The following HERC5 variants were observed in gnomAD, a reference collection of about 807,000 sequenced individuals.
The protein encoded by HERC5 is E3 ISG15--protein ligase HERC5.
Under a neutral mutation model 119.6 loss-of-function variants are expected in HERC5, and 99 were observed. The ratio of observed to expected loss-of-function variants is 0.83; its 90% CI spans 0.70 to 0.98. The LOEUF is 0.98. Among genes scored for constraint, HERC5 ranks in the 50% least tolerant of loss-of-function variants. HERC5 has a pLI of 0.00. For missense variants in HERC5, 1,267 were observed against 1,241.3 expected, an observed-to-expected ratio of 1.02 and a Z score of -0.31; for synonymous variants, 478 against 445.9, an observed-to-expected ratio of 1.07 and a Z score of -0.91.
At chr4:88,480,286 C>G (rs934043080) in intron 13 of HERC5, among the ~76,000 whole-genome samples, 2 of 152,100 alleles carry the variant, frequency 1.3e-5, no homozygotes, top group African/African-American at 2.4e-5. Context: ...AATACTGCTT[C>G]TTACACTCAA....
In HERC5 at chr4:88,506,042, G is replaced by C; in HGVS notation, c.*164G>C. Reference sequence around the variant, plus strand: ...AAGCAGGAAAGAGGGATGAAGAAGAGGGTTTACTGGCCGGTTAGAACCCGT... The same window carrying C: ...AAGCAGGAAAGAGGGATGAAGAAGACGGTTTACTGGCCGGTTAGAACCCGT... On this transcript the variant is annotated 3_prime_UTR_variant, in exon 23 of 23. Transcript: ENST00000264350. The C allele has an allele frequency of 1.6e-6, 1 of 621,858 alleles. No homozygotes were observed. The highest frequency in any genetic ancestry group is 2.8e-6 in the Non-Finnish European group (1 of 354,272). The allele number at this position is 621,858 out of a possible 1,614,324, so 38.5% of individuals were successfully genotyped here.
At chr4:88,494,557 C>T (rs562163052) in intron 18 of HERC5, among the ~76,000 whole-genome samples, 2 of 152,176 alleles carry the variant, frequency 1.3e-5, no homozygotes, top group Admixed American at 6.5e-5. Context: ...AATCTTTCAA[C>T]TTTTTCTGTG....
intron 12 of HERC5, among the ~76,000 whole-genome samples, chr4:88,476,728 C>T (rs1027514164): frequency 1.3e-5 from 2 of 151,946 alleles, no homozygotes; most frequent in Admixed American, 6.6e-5. Flanking sequence ...CAAGACTAGC[C>T]TGGCCAACAT....
intron 10 of HERC5, 66 bp from the exon 11 acceptor site, chr4:88,472,343 T>C (rs2149093278): frequency 1.1e-6 from 1 of 890,686 alleles, no homozygotes; most frequent in Non-Finnish European, 1.8e-6. Flanking sequence ...TGGGGCAAGC[T>C]CTAGAAGAAA....
intron 11 of HERC5, chr4:88,473,376 TC>T (rs1234419564): frequency 6.6e-6 from 1 of 152,146 alleles, no homozygotes; most frequent in Non-Finnish European, 1.5e-5. Flanking sequence ...CTCTTCTCTT[TC>T]CCTCTCAATC....
At chr4:88,491,784 A>T (rs1424178678) in intron 16 of HERC5, among the ~76,000 whole-genome samples, 1 of 151,806 alleles carries the variant, frequency 6.6e-6, no homozygotes, top group African/African-American at 2.4e-5. Context: ...TTTCCTTTTA[A>T]GGTTAAGGGG....
chr4:88,465,489 T>A (rs1357727752), intron 6 of HERC5, among the ~76,000 whole-genome samples: 1 of 152,228 alleles, frequency 6.6e-6, no homozygotes, highest in East Asian at 1.9e-4. Context: ...TGGGTAATAT[T>A]ATTAAGGTAG....
At chr4:88,460,927 C>A (rs1578463059) in intron 3 of HERC5, among the ~76,000 whole-genome samples, 1 of 152,068 alleles carries the variant, frequency 6.6e-6, no homozygotes, top group East Asian at 1.9e-4. Context: ...GAGTTTGAGG[C>A]TGCAGTGAGC....
chr4:88,467,148 G>T lies in HERC5; in HGVS notation c.1001G>T (p.Arg334Leu). The T allele has an allele frequency of 6.2e-7, 1 of 1,614,162 alleles. No individual in the cohort carries two copies. The highest frequency in any genetic ancestry group is 8.5e-7 in the Non-Finnish European group (1 of 1,180,018). Reference sequence around the variant, plus strand: ...GGACAACTGGGAAATGGTGGAACACGTGACCAGCTGATGCCGCTTCCAGTG... The same window carrying T: ...GGACAACTGGGAAATGGTGGAACACTTGACCAGCTGATGCCGCTTCCAGTG... ...KDGQLGNGGT[R>L]DQLMPLPVKV... is the part of the protein sequence containing the mutation. Residue 334 changes from arginine (R) to leucine (L), a missense_variant, in exon 7 of 23, where the codon CGT becomes CTT. This residue lies in a region of HERC5 where 777 missense variants were observed against 758.0 expected (regional missense o/e 1.03). Coordinates refer to ENST00000264350, the MANE Select transcript of HERC5 (RefSeq NM_016323.4).
At chr4:88,471,005 G>A (rs1164884912) in intron 10 of HERC5, among the ~76,000 whole-genome samples, 1 of 150,080 alleles carries the variant, frequency 6.7e-6, no homozygotes, top group Non-Finnish European at 1.5e-5. Context: ...GTCTTGCCCT[G>A]TCGTTGCCCA....
In HERC5 at chr4:88,459,420, A is replaced by G. The variant is rs1423662384; in HGVS notation, c.339A>G (p.Ser113=). 1.3e-6 allele frequency: 2 copies of G among 1,595,842 alleles called. No homozygotes were observed. Among genetic ancestry groups the G allele is most frequent in the Non-Finnish European group, 1.7e-6 (2 of 1,171,796 alleles). ...DQGAEHMLIL[S]SDGKPFEYDN... Reference sequence around the variant, plus strand: ...GAGCAGAGCACATGCTGATTCTCTCATCAGATGGAAAACCATTTGAGTATG... The same window carrying G: ...GAGCAGAGCACATGCTGATTCTCTCGTCAGATGGAAAACCATTTGAGTATG... The change falls in exon 2 of 23, where the codon TCA becomes TCG. Residue 113 remains serine, a synonymous_variant. Transcript: ENST00000264350.
At chr4:88,493,923 A>G (rs761768572) in intron 17 of HERC5, among the ~76,000 whole-genome samples, 5 of 150,612 alleles carry the variant, frequency 3.3e-5, no homozygotes, top group Non-Finnish European at 7.4e-5. Context: ...AAATTGACTT[A>G]ATGACCAAAT....
intron 22 of HERC5, among the ~76,000 whole-genome samples, chr4:88,505,449 CTT>C (rs1195788050): frequency 6.6e-6 from 1 of 152,204 alleles, no homozygotes; most frequent in Non-Finnish European, 1.5e-5. Flanking sequence ...TATTATGTGT[CTT>C]TTTCTTCACA....
intron 12 of HERC5, among the ~76,000 whole-genome samples, chr4:88,479,040 C>T (rs1578053711): frequency 6.6e-6 from 1 of 152,132 alleles, no homozygotes; most frequent in African/African-American, 2.4e-5. Context: ...AATCCCAGCA[C>T]TTTGGGAGGC....
At chr4:88,464,972 G>C (rs1203175063) in intron 6 of HERC5, among the ~76,000 whole-genome samples, 1 of 152,022 alleles carries the variant, frequency 6.6e-6, no homozygotes, top group Non-Finnish European at 1.5e-5. Flanking sequence ...GGGTTTCACT[G>C]TGTTAGCCAG....
chr4:88,505,767 T>G lies in HERC5; in HGVS notation c.2964T>G (p.Pro988=), dbSNP rs746517242. 2 of 1,608,906 alleles carry G rather than the reference T, an allele frequency of 1.2e-6. No homozygotes were observed. Among genetic ancestry groups the G allele is most frequent in the Non-Finnish European group, 1.7e-6 (2 of 1,175,202 alleles). The change falls in exon 23 of 23, where the codon CCT becomes CCG. Residue 988 remains proline, a synonymous_variant. Coordinates refer to ENST00000264350, the MANE Select transcript of HERC5 (RefSeq NM_016323.4). ...CTGAAAGTTGGAATGAAAGAGACCC[T>G]ATAAGAGCACTGACATGTTTCAGTG... is the stretch of plus-strand genomic sequence containing the variant. The part of the protein sequence containing the change: ...CCPESWNERD[P]IRALTCFSVL...
chr4:88,464,516 T>C (rs919191285), intron 6 of HERC5, among the ~76,000 whole-genome samples: 3 of 152,056 alleles, frequency 2.0e-5, no homozygotes, highest in Non-Finnish European at 4.4e-5. Flanking sequence ...AAAGGTAAAA[T>C]GTCTTGCTCA....
At chr4:88,475,231 T>G (rs980813835) in intron 11 of HERC5, among the ~76,000 whole-genome samples, 2 of 151,544 alleles carry the variant, frequency 1.3e-5, no homozygotes, top group Admixed American at 6.6e-5. Flanking sequence ...GGGTAGAATA[T>G]GGTACTTATG....
chr4:88,482,878 G>A (rs1741327280), intron 13 of HERC5, among the ~76,000 whole-genome samples: 1 of 151,988 alleles, frequency 6.6e-6, no homozygotes, highest in Non-Finnish European at 1.5e-5. Context: ...TGATCTGCCT[G>A]GCTCTGCCTC....
Sources: allele counts gnomAD v4.1 joint callset (sites outside exome capture counted in the v4.1 genomes callset), GRCh38; gene constraint gnomAD v4.1.1; regional missense constraint gnomAD v4.1.1; transcripts MANE v1.5; gene names NCBI Gene and HGNC (gene_info 2026-07-23, HGNC 2026-07-21).